The following OR11H6 variants were observed in gnomAD, a reference collection of about 807,000 sequenced individuals.
The protein encoded by OR11H6 is olfactory receptor 11H6.
A neutral mutation model predicts 9.2 loss-of-function variants in OR11H6; 4 were observed. That is an observed-to-expected ratio of 0.44 (90% CI 0.21 to 1.00). The LOEUF (loss-of-function observed/expected upper bound fraction) is 1.00. Ranked by LOEUF, OR11H6 falls within the 50% of genes least tolerant of loss-of-function variation. OR11H6 has a pLI of 0.26. For missense variants in OR11H6, 381 were observed against 390.9 expected, an observed-to-expected ratio of 0.97 and a Z score of 0.21; for synonymous variants, 136 against 148.9, an observed-to-expected ratio of 0.91 and a Z score of 0.63.
Position 20,224,029 on chromosome 14 carries a change from T to C in OR11H6, c.320T>C (p.Ile107Thr), listed in dbSNP as rs12891553. 0.47 allele frequency: 754,486 copies of C among 1,612,854 alleles called. 180,077 individuals are homozygous for C. The highest frequency in any genetic ancestry group is 0.52 in the African/African-American group (38,614 of 74,896). Residue 107 changes from isoleucine (I) to threonine (T), a missense_variant, in exon 1 of 1, where the codon ATT becomes ACT. Ile to Thr is a moderately conservative substitution (Grantham distance 89, BLOSUM62 -1). Transcript: ENST00000315519. ...PNMLVNILSE[I>T]KTISFSGCFL... ...ATGCTAGTCAATATCCTCTCTGAGA[T>C]TAAAACCATCTCCTTCTCTGGTTGC...
At position 20,223,827 on chromosome 14, in the gene OR11H6, G is replaced by A. The variant is rs867423176; in HGVS notation, c.118G>A (p.Glu40Lys). 2 of 1,613,898 alleles carry A rather than the reference G, an allele frequency of 1.2e-6. No homozygotes were observed. The highest frequency in any genetic ancestry group is 1.7e-6 in the Non-Finnish European group (2 of 1,179,888). Reference sequence around the variant, plus strand: ...CCTCCTGGGTTTCCATGGTCAAAGGGAGATGCAGAGCTGCTTCTTCTCATT... The same window carrying A: ...CCTCCTGGGTTTCCATGGTCAAAGGAAGATGCAGAGCTGCTTCTTCTCATT... Reference protein sequence around the residue: ...FVLLGFHGQREMQSCFFSFIL... With the variant: ...FVLLGFHGQRKMQSCFFSFIL... Residue 40 changes from glutamate to lysine, a missense_variant, in exon 1 of 1, where the codon GAG (glutamate) becomes AAG (lysine). Physicochemically the swap from Glu to Lys is moderately conservative, Grantham distance 56 (BLOSUM62 1). Transcript: ENST00000315519.
rs948767118 is a variant in OR11H6, at chr14:20,224,689, T to C, written c.980T>C (p.Val327Ala). 5 of 1,597,872 alleles carry C rather than the reference T, an allele frequency of 3.1e-6. No homozygotes were observed. Among genetic ancestry groups the C allele is most frequent in the Non-Finnish European group, 4.3e-6 (5 of 1,173,546 alleles). The change falls in exon 1 of 1, where the codon GTT becomes GCT. Residue 327 changes from valine (V) to alanine (A), a missense_variant. Coordinates refer to ENST00000315519, the MANE Select transcript of OR11H6 (RefSeq NM_001004480.1). ...CTAAAGAGAGTCCTGGGGTTAACAG[T>C]TAGCCAAAACTGAGATATCTTTGAA... is the stretch of plus-strand genomic sequence containing the variant. ...DALKRVLGLT[V>A]SQN
Position 20,224,363 on chromosome 14 carries a change from CA to C in OR11H6, c.655del (p.Thr219ProfsTer5). ...CTCCTTCCACTGAGCTTATCTGTTA[CA>C]CCTTCAACTCGATGATTATCTTTGG... The part of the protein sequence containing the change: ...SAPSTELICY[T>X]FNSMIIFGPF... On this transcript the variant is annotated frameshift_variant, in exon 1 of 1. Transcript: ENST00000315519. LOFTEE classifies it high-confidence loss of function. 1 of 1,614,128 alleles carries C rather than the reference CA, an allele frequency of 6.2e-7. No homozygotes were observed.
chr14:20,223,788 G>T lies in OR11H6; in HGVS notation c.79G>T (p.Val27Leu), dbSNP rs1474708840. 5.0e-6 allele frequency: 8 copies of T among 1,613,976 alleles called. No individual in the cohort carries two copies. The highest frequency in any genetic ancestry group is 5.9e-6 in the Non-Finnish European group (7 of 1,179,958). ...ACCCCAGAACAGAACAATGCATTTT[G>T]TGACTGAGTTTGTCCTCCTGGGTTT... ...LGPQNRTMHF[V>L]TEFVLLGFHG... Residue 27 changes from valine to leucine, a missense_variant, in exon 1 of 1, where the codon GTG (valine) becomes TTG (leucine). Transcript: ENST00000315519.
chr14:20,224,424 G>A lies in OR11H6; in HGVS notation c.715G>A (p.Val239Ile), dbSNP rs773323636. Residue 239 changes from valine (V) to isoleucine (I), a missense_variant, in exon 1 of 1, where the codon GTC becomes ATC. Val to Ile is a conservative substitution (Grantham distance 29, BLOSUM62 3). Transcript: ENST00000315519. ...FLSILGSYTL[V>I]IRAVLCIPSG... is the part of the protein sequence containing the mutation. ...CTCCATCTTGGGATCTTACACTCTG[G>A]TCATCAGAGCTGTGCTTTGTATTCC... 2.7e-5 allele frequency: 43 copies of A among 1,613,792 alleles called. No homozygotes were observed. The South Asian group carries it at 4.5e-4, about 17-fold the overall frequency.
In OR11H6 at chr14:20,224,489, G is replaced by A; in HGVS notation, c.780G>A (p.Gly260=). 6.2e-7 allele frequency: 1 copy of A among 1,613,966 alleles called. No individual in the cohort carries two copies. Among genetic ancestry groups the A allele is most frequent in the East Asian group, 2.2e-5 (1 of 44,878 alleles). The change falls in exon 1 of 1, where the codon GGG becomes GGA. Residue 260 remains glycine (G), a synonymous_variant. Transcript: ENST00000315519. ...AGRTKAFSTC[G]SHLMVVSLFY... ...GAACTAAAGCTTTCTCCACATGTGG[G>A]TCCCACCTAATGGTGGTGTCTCTAT...
rs564813542 is a variant in OR11H6 at position 20,224,372 on chromosome 14, C to A, written c.663C>A (p.Asn221Lys). ...CTGAGCTTATCTGTTACACCTTCAA[C>A]TCGATGATTATCTTTGGGCCCTTCC... ...PSTELICYTF[N>K]SMIIFGPFLS... Residue 221 changes from asparagine to lysine, a missense_variant, in exon 1 of 1, where the codon AAC becomes AAA. Physicochemically the swap from Asn to Lys is moderately conservative, Grantham distance 94. Transcript: ENST00000315519. The A allele has an allele frequency of 1.2e-6, 2 of 1,614,132 alleles. No homozygotes were observed. The highest frequency in any genetic ancestry group is 1.1e-5 in the South Asian group (1 of 91,086).
rs1405793307 is a variant in OR11H6 at position 20,224,273 on chromosome 14, G to A, written c.564G>A (p.Gly188=). 6.2e-7 allele frequency: 1 copy of A among 1,613,930 alleles called. No homozygotes were observed. The highest frequency in any genetic ancestry group is 1.7e-5 in the Admixed American group (1 of 59,974). ...IVLISQLPFC[G]PNIIDHLVCD... The stretch of plus-strand genomic sequence containing the variant: ...TTATCTCCCAACTTCCCTTCTGTGG[G>A]CCCAACATCATTGACCACTTGGTGT... The change falls in exon 1 of 1, where the codon GGG becomes GGA. Residue 188 remains glycine, a synonymous_variant. Coordinates refer to ENST00000315519, the MANE Select transcript of OR11H6 (RefSeq NM_001004480.1).
At position 20,223,774 on chromosome 14, in the gene OR11H6, G is replaced by A; in HGVS notation, c.65G>A (p.Arg22Lys). The stretch of plus-strand genomic sequence containing the variant: ...CTAACAGCTTTGGGACCCCAGAACA[G>A]AACAATGCATTTTGTGACTGAGTTT... ...VFLTALGPQN[R>K]TMHFVTEFVL... The change falls in exon 1 of 1, where the codon AGA (arginine) becomes AAA (lysine). Residue 22 changes from arginine (R) to lysine (K), a missense_variant. Transcript: ENST00000315519. 2 of 1,614,038 alleles carry A rather than the reference G, an allele frequency of 1.2e-6. No individual in the cohort carries two copies. The highest frequency in any genetic ancestry group is 1.3e-5 in the African/African-American group (1 of 75,038).
In OR11H6 at chr14:20,224,669, G is replaced by C. The variant is rs771229185; in HGVS notation, c.960G>C (p.Lys320Asn). 1 of 1,613,150 alleles carries C rather than the reference G, an allele frequency of 6.2e-7. No individual in the cohort carries two copies. The highest frequency in any genetic ancestry group is 1.1e-5 in the South Asian group (1 of 90,916). ...LRNKDMKDAL[K>N]RVLGLTVSQN Reference sequence around the variant, plus strand: ...ACAAAGACATGAAAGATGCTCTAAAGAGAGTCCTGGGGTTAACAGTTAGCC... The same window carrying C: ...ACAAAGACATGAAAGATGCTCTAAACAGAGTCCTGGGGTTAACAGTTAGCC... The change falls in exon 1 of 1, where the codon AAG (lysine) becomes AAC (asparagine). Residue 320 changes from lysine (K) to asparagine (N), a missense_variant. Physicochemically the swap from Lys to Asn is moderately conservative, Grantham distance 94 (BLOSUM62 0). Transcript: ENST00000315519.
Position 20,224,332 on chromosome 14 carries a change from T to A in OR11H6, c.623T>A (p.Ile208Asn). The change falls in exon 1 of 1, where the codon ATC becomes AAC. Residue 208 changes from isoleucine (I) to asparagine (N), a missense_variant. Ile to Asn is a moderately radical substitution (Grantham distance 149). Transcript: ENST00000315519. ...GGCCCATTGTTTGCACTGGCCTGCA[T>A]CTCTGCTCCTTCCACTGAGCTTATC... is the stretch of plus-strand genomic sequence containing the variant. ...DPGPLFALAC[I>N]SAPSTELICY... The A allele has an allele frequency of 6.2e-7, 1 of 1,614,152 alleles. No homozygotes were observed. Among genetic ancestry groups the A allele is most frequent in the African/African-American group, 1.3e-5 (1 of 75,040 alleles).
Position 20,223,716 on chromosome 14 carries a change from T to C in OR11H6, c.7T>C (p.Phe3Leu). ...GAGTTAGCAAAATCTCCAAATGTTC[T>C]TTATTATTCATTCTTTGGTTACTTC... MF[F>L]IIHSLVTSVF... The change falls in exon 1 of 1, where the codon TTT becomes CTT. Residue 3 changes from phenylalanine (F) to leucine (L), a missense_variant. Phe to Leu is a conservative substitution (Grantham distance 22). Transcript: ENST00000315519. The C allele has an allele frequency of 1.3e-6, 2 of 1,596,296 alleles. No individual in the cohort carries two copies. Among genetic ancestry groups the C allele is most frequent in the Non-Finnish European group, 8.6e-7 (1 of 1,165,678 alleles).
rs1236938961 is a variant in OR11H6 at position 20,223,901 on chromosome 14, C to T, written c.192C>T (p.Val64=). 1.9e-6 allele frequency: 3 copies of T among 1,614,040 alleles called. No homozygotes were observed. The East Asian group carries it at 6.7e-5, about 36-fold the overall frequency. ...LLTLLGNGAI[V]CAVKLDRRLH... ...CACTGCTAGGGAATGGAGCTATTGT[C>T]TGTGCAGTGAAATTGGACAGGCGGC... The change falls in exon 1 of 1, where the codon GTC becomes GTT. Residue 64 remains valine, a synonymous_variant. Transcript: ENST00000315519.
chr14:20,224,004 A>G lies in OR11H6; in HGVS notation c.295A>G (p.Met99Val), dbSNP rs751436221. The G allele has an allele frequency of 1.2e-6, 2 of 1,614,042 alleles. No individual in the cohort carries two copies. Among genetic ancestry groups the G allele is most frequent in the African/African-American group, 2.7e-5 (2 of 74,940 alleles). The change falls in exon 1 of 1, where the codon ATG becomes GTG. Residue 99 changes from methionine to valine, a missense_variant. Met to Val is a conservative substitution (Grantham distance 21). Coordinates refer to ENST00000315519, the MANE Select transcript of OR11H6 (RefSeq NM_001004480.1). Reference protein sequence around the residue: ...IWYISSTVPNMLVNILSEIKT... With the variant: ...IWYISSTVPNVLVNILSEIKT... ...GTACATTTCCTCCACTGTCCCAAAC[A>G]TGCTAGTCAATATCCTCTCTGAGAT...
At position 20,224,654 on chromosome 14, in the gene OR11H6, GA is replaced by G. The variant is rs749103668; in HGVS notation, c.948del (p.Asp317MetfsTer3). The G allele has an allele frequency of 5.0e-6, 8 of 1,613,380 alleles. No homozygotes were observed. The South Asian group carries it at 8.8e-5, about 18-fold the overall frequency. On this transcript the variant is annotated frameshift_variant, in exon 1 of 1. Transcript: ENST00000315519. LOFTEE classifies it high-confidence loss of function. ...LIYSLRNKDMKDALKRVLGLT... is the reference protein window; with the variant it reads ...LIYSLRNKDMXDALKRVLGLT... ...TCTATAGTCTTCGAAACAAAGACAT[GA>G]AAGATGCTCTAAAGAGAGTCCTGGG...
In OR11H6 at chr14:20,223,944, A is replaced by G; in HGVS notation, c.235A>G (p.Ile79Val). Residue 79 changes from isoleucine (I) to valine (V), a missense_variant, in exon 1 of 1, where the codon ATC becomes GTC. Coordinates refer to ENST00000315519, the MANE Select transcript of OR11H6 (RefSeq NM_001004480.1). ...CAGGCGGCTCCACACACCCATGTAC[A>G]TCCTTCTGGGAAACTTTGCCTTTCT... ...LDRRLHTPMY[I>V]LLGNFAFLEI... 6.2e-7 allele frequency: 1 copy of G among 1,614,110 alleles called. No homozygotes were observed. Among genetic ancestry groups the G allele is most frequent in the South Asian group, 1.1e-5 (1 of 91,074 alleles).
chr14:20,224,605 T>C lies in OR11H6; in HGVS notation c.896T>C (p.Met299Thr), dbSNP rs1880375288. 6.2e-7 allele frequency: 1 copy of C among 1,614,062 alleles called. No individual in the cohort carries two copies. The highest frequency in any genetic ancestry group is 1.7e-5 in the Admixed American group (1 of 60,010). The change falls in exon 1 of 1, where the codon ATG becomes ACG. Residue 299 changes from methionine to threonine, a missense_variant. Coordinates refer to ENST00000315519, the MANE Select transcript of OR11H6 (RefSeq NM_001004480.1). ...QKIITLVYTA[M>T]TPFLNPLIYS... The stretch of plus-strand genomic sequence containing the variant: ...ATCATCACTCTGGTATACACAGCAA[T>C]GACTCCATTCTTAAATCCCCTTATC...
rs1379083544 is a variant in OR11H6 at position 20,223,777 on chromosome 14, C to T, written c.68C>T (p.Thr23Ile). 6 of 1,613,976 alleles carry T rather than the reference C, an allele frequency of 3.7e-6. No individual in the cohort carries two copies. The highest frequency in any genetic ancestry group is 5.1e-6 in the Non-Finnish European group (6 of 1,179,866). Residue 23 changes from threonine to isoleucine, a missense_variant, in exon 1 of 1, where the codon ACA becomes ATA. Thr to Ile is a moderately conservative substitution (Grantham distance 89). Coordinates refer to ENST00000315519, the MANE Select transcript of OR11H6 (RefSeq NM_001004480.1). ...FLTALGPQNR[T>I]MHFVTEFVLL... ...ACAGCTTTGGGACCCCAGAACAGAA[C>T]AATGCATTTTGTGACTGAGTTTGTC...
chr14:20,223,983 A>C lies in OR11H6; in HGVS notation c.274A>C (p.Ile92Leu), dbSNP rs750344336. ...GNFAFLEIWY[I>L]SSTVPNMLVN... The stretch of plus-strand genomic sequence containing the variant: ...CTTTGCCTTTCTAGAGATCTGGTAC[A>C]TTTCCTCCACTGTCCCAAACATGCT... Residue 92 changes from isoleucine (I) to leucine (L), a missense_variant, in exon 1 of 1, where the codon ATT becomes CTT. Transcript: ENST00000315519. 4 of 1,614,020 alleles carry C rather than the reference A, an allele frequency of 2.5e-6. No individual in the cohort carries two copies. The South Asian group carries it at 3.3e-5, about 13-fold the overall frequency.
Sources: gnomAD v4.1 joint callset for allele counts on GRCh38, gnomAD v4.1.1 for gene constraint, MANE v1.5 for transcripts, NCBI Gene and HGNC (gene_info 2026-07-23, HGNC 2026-07-21) for gene names.